ZDHHC11B: variants seen among roughly 807,000 people sequenced by gnomAD.
ZDHHC11B encodes the protein probable palmitoyltransferase ZDHHC11B.
In ZDHHC11B, 17 loss-of-function variants were observed where a neutral mutation model predicts 42.3. That is an observed-to-expected ratio of 0.40 (90% confidence interval 0.27 to 0.60). The LOEUF is 0.60. Among genes scored for constraint, ZDHHC11B ranks in the 20% least tolerant of loss-of-function variants. ZDHHC11B has a pLI of 0.41. For missense variants in ZDHHC11B, 262 were observed against 463.2 expected, an observed-to-expected ratio of 0.57 and a Z score of 3.99; for synonymous variants, 123 against 193.5, an observed-to-expected ratio of 0.64 and a Z score of 3.02.
chr5:724,228 CATAG>C (rs1579252094), intron 12 of ZDHHC11B, among the ~76,000 whole-genome samples: 1 of 148,440 alleles, frequency 6.7e-6, no homozygotes, highest in East Asian at 2.0e-4. Flanking sequence ...TATTTTGAGA[CATAG>C]TCTCACTCTG....
intron 4 of ZDHHC11B, among the ~76,000 whole-genome samples, chr5:757,614 G>A (rs1242115460): frequency 5.9e-5 from 9 of 151,932 alleles, no homozygotes; most frequent in Admixed American, 1.3e-4. Flanking sequence ...AGCTGGTTCC[G>A]ACTGAAATGC....
intron 1 of ZDHHC11B, among the ~76,000 whole-genome samples, chr5:770,647 G>A (rs950230145): frequency 5.3e-5 from 8 of 152,032 alleles, no homozygotes; most frequent in Non-Finnish European, 1.2e-4. Flanking sequence ...CCCCACTGCA[G>A]AGCCTCTGAC....
chr5:762,738 C>T (rs549111067), intron 4 of ZDHHC11B, among the ~76,000 whole-genome samples: 1 of 151,526 alleles, frequency 6.6e-6, no homozygotes, highest in Non-Finnish European at 1.5e-5. Context: ...CCTAAGTTTC[C>T]GTCTTAAGAT....
intron 1 of ZDHHC11B, among the ~76,000 whole-genome samples, chr5:773,332 C>T (rs1314191848): frequency 1.3e-5 from 2 of 151,802 alleles, no homozygotes; most frequent in Non-Finnish European, 2.9e-5. Flanking sequence ...CACACCATTT[C>T]CCCCAGAGGC....
intron 6 of ZDHHC11B, among the ~76,000 whole-genome samples, chr5:751,493 TGGGGG>T (rs1745722534): frequency 7.2e-3 from 140 of 19,412 alleles, no homozygotes; most frequent in African/African-American, 0.012. Context: ...GCAGGGCAGG[TGGGGG>T]GTGCAGAGGC....
At chr5:759,957 G>A (rs1323284299) in intron 4 of ZDHHC11B, among the ~76,000 whole-genome samples, 1 of 151,906 alleles carries the variant, frequency 6.6e-6, no homozygotes, top group Non-Finnish European at 1.5e-5. Context: ...CATGGGGAGT[G>A]CAGCCGGGGA....
chr5:759,122 A>G (rs1298606510), intron 4 of ZDHHC11B, among the ~76,000 whole-genome samples: 1 of 151,830 alleles, frequency 6.6e-6, no homozygotes, highest in African/African-American at 2.4e-5. Context: ...TCTCCCTTTC[A>G]TCACCCAAAC....
chr5:726,773 G>A (rs1012592522), intron 12 of ZDHHC11B, among the ~76,000 whole-genome samples: 2 of 102,510 alleles, frequency 2.0e-5, no homozygotes, highest in African/African-American at 8.4e-5. Context: ...CACCAAGAAT[G>A]TTTGTAACTT....
intron 11 of ZDHHC11B, among the ~76,000 whole-genome samples, chr5:733,424 A>G (rs879827016): frequency 5.9e-5 from 9 of 151,566 alleles, no homozygotes; most frequent in Admixed American, 3.9e-4. Flanking sequence ...CCTTTATCAC[A>G]GCACTGTCCC....
chr5:743,122 A>G (rs1190821380), intron 9 of ZDHHC11B, among the ~76,000 whole-genome samples: 2 of 148,954 alleles, frequency 1.3e-5, no homozygotes, highest in Admixed American at 6.9e-5. Flanking sequence ...CTGAACTATA[A>G]TTTCTCCCTA....
At position 711,205 on chromosome 5, in the gene ZDHHC11B, C is replaced by G. The variant is rs62332064; in HGVS notation, c.*1085G>C. ...TGCTCCCATTTCCCAGTGCTGTGCCCTCCCCTTTCCCAGTACTGTGCTCCC... is the reference window on the plus strand; with the variant it reads ...TGCTCCCATTTCCCAGTGCTGTGCCGTCCCCTTTCCCAGTACTGTGCTCCC... On this transcript the variant is annotated 3_prime_UTR_variant, in exon 14 of 14. Coordinates refer to ENST00000508859, the MANE Select transcript of ZDHHC11B (RefSeq NM_001351303.2). 4 of 148,572 alleles carry G rather than the reference C, an allele frequency of 2.7e-5. No homozygotes were observed. The highest frequency in any genetic ancestry group is 2.1e-4 in the East Asian group (1 of 4,812). The allele number at this position is 148,572 out of a possible 1,614,324, so 9.2% of individuals were successfully genotyped here.
At chr5:744,471 T>C (rs570707816) in intron 9 of ZDHHC11B, among the ~76,000 whole-genome samples, 54 of 149,070 alleles carry the variant, frequency 3.6e-4, no homozygotes, top group African/African-American at 1.3e-3. Flanking sequence ...AAATTAGTAG[T>C]TTAGTCTCTT....
At chr5:717,595 C>T (rs1334580949) in intron 12 of ZDHHC11B, among the ~76,000 whole-genome samples, 1 of 151,818 alleles carries the variant, frequency 6.6e-6, no homozygotes, top group African/African-American at 2.4e-5. Flanking sequence ...CTTCTCTGAT[C>T]CAATCCTTAA....
At chr5:740,939 G>A (rs4956975) in intron 10 of ZDHHC11B, among the ~76,000 whole-genome samples, 38,419 of 81,364 alleles carry the variant, frequency 0.47, 8,928 homozygotes, top group Middle Eastern at 0.7. Flanking sequence ...TAAGCATACT[G>A]TTAGTATCTC....
At chr5:778,224 A>T (rs1376806231) in intron 1 of ZDHHC11B, among the ~76,000 whole-genome samples, 1 of 151,740 alleles carries the variant, frequency 6.6e-6, no homozygotes. Flanking sequence ...GACACAGGAC[A>T]TTCCACCAAC....
intron 12 of ZDHHC11B, among the ~76,000 whole-genome samples, chr5:717,210 A>G (rs1377160363): frequency 1.3e-5 from 2 of 151,228 alleles, no homozygotes; most frequent in Non-Finnish European, 2.9e-5. Flanking sequence ...AGGTCAGCTC[A>G]TGCCTGGTAC....
At chr5:756,688 A>G (rs2127134592) in intron 4 of ZDHHC11B, among the ~76,000 whole-genome samples, 1 of 151,774 alleles carries the variant, frequency 6.6e-6, no homozygotes. Context: ...AAGGCCCTGG[A>G]GGAGCCTGGG....
chr5:733,461 C>G (rs1453378891), intron 11 of ZDHHC11B, among the ~76,000 whole-genome samples: 3 of 151,690 alleles, frequency 2.0e-5, no homozygotes, highest in African/African-American at 4.9e-5. Flanking sequence ...GCACTTCAGA[C>G]CCTGCCCTGG....
At position 784,713 on chromosome 5, in the gene ZDHHC11B, C is replaced by T. The variant is rs1737130920; in HGVS notation, c.-275G>A. On this transcript the variant is annotated 5_prime_UTR_variant, in exon 1 of 14. Coordinates refer to ENST00000508859, the MANE Select transcript of ZDHHC11B (RefSeq NM_001351303.2). ...AGCGGAGGCTCCCCCGCGACCCGGC[C>T]GCGCGCGACCAAGTGCTCAGCGCAG... Among the ~76,000 whole-genome samples, 1 of 149,884 alleles carries T rather than the reference C, an allele frequency of 6.7e-6. No individual in the cohort carries two copies. The highest frequency in any genetic ancestry group is 2.5e-5 in the African/African-American group (1 of 40,812).
Sources: gnomAD v4.1 joint callset for allele counts (sites outside exome capture counted in the v4.1 genomes callset) on GRCh38, gnomAD v4.1.1 for gene constraint, MANE v1.5 for transcripts, NCBI Gene and HGNC (gene_info 2026-07-23, HGNC 2026-07-21) for gene names.